Variants in CNBD1 observed in about 807,000 individuals in gnomAD.
The protein encoded by CNBD1 is cyclic nucleotide binding domain containing 1, also known as cyclic nucleotide-binding domain-containing protein 1.
Under a neutral mutation model 54.4 loss-of-function variants are expected in CNBD1, and 71 were observed. The observed-to-expected ratio is 1.30, with a 90% CI of 1.08 to 1.59. CNBD1 has a LOEUF of 1.59. Ranked by LOEUF, CNBD1 falls within the 40% of genes most tolerant of loss-of-function variation. The pLI, the probability that CNBD1 is intolerant of heterozygous loss-of-function variation, is 0.00. For synonymous variants in CNBD1, 182 were observed against 170.7 expected (o/e 1.07, Z -0.51); for missense variants, 659 against 518.0 (o/e 1.27, Z -2.64).
chr8:86,887,601 G>T lies in CNBD1; in HGVS notation c.148G>T (p.Gly50Ter). Residue 50 changes from glycine (G) to a stop codon, truncating the protein, a stop_gained, in exon 2 of 11, where the codon GGA becomes TGA. Transcript: ENST00000518476. LOFTEE classifies it high-confidence loss of function. ...GQLNALCHIRGQHSRSMSNIL... is the reference protein window; with the variant it reads ...GQLNALCHIR ...GTTGAATGCATTATGCCACATTAGA[G>T]GACAACACAGGTAAGCTATTCATGC... The T allele has an allele frequency of 6.3e-7, 1 of 1,578,460 alleles. No individual in the cohort carries two copies. The highest frequency in any genetic ancestry group is 1.8e-5 in the Admixed American group (1 of 55,568).
intron 4 of CNBD1, among the ~76,000 whole-genome samples, chr8:87,167,192 ATAAT>A (rs1480851226): frequency 2.0e-5 from 3 of 152,000 alleles, no homozygotes; most frequent in Non-Finnish European, 4.4e-5. Flanking sequence ...TTATACTTAA[ATAAT>A]TGAGGTTATA....
At chr8:87,189,183 T>G (rs1813546462) in intron 4 of CNBD1, among the ~76,000 whole-genome samples, 1 of 152,300 alleles carries the variant, frequency 6.6e-6, no homozygotes, top group African/African-American at 2.4e-5. Flanking sequence ...CAGGTGACTT[T>G]TGAAGTGTTT....
chr8:86,939,703 C>CAA lies in CNBD1; in HGVS notation c.384_385dup (p.Arg129LysfsTer11), dbSNP rs1421144106. On this transcript the variant is annotated frameshift_variant, in exon 4 of 11. Coordinates refer to ENST00000518476, the MANE Select transcript of CNBD1 (RefSeq NM_173538.3). LOFTEE classifies it high-confidence loss of function. Reference sequence around the variant, plus strand: ...CATGGTGGCCATATTTTATATAGACCAAAAAGAGCCACAGAGAAATTTGAA... The same window carrying CAA: ...CATGGTGGCCATATTTTATATAGACCAAAAAAAGAGCCACAGAGAAATTTGAA... The CAA allele has an allele frequency of 1.9e-6, 3 of 1,589,268 alleles. No individual in the cohort carries two copies. The highest frequency in any genetic ancestry group is 2.6e-6 in the Non-Finnish European group (3 of 1,165,646).
In CNBD1 at chr8:87,273,360, G is replaced by A. The variant is rs138605601; in HGVS notation, c.772-11318G>A. On this transcript the variant is annotated intron_variant, in intron 6 of 10. Coordinates refer to ENST00000518476, the MANE Select transcript of CNBD1 (RefSeq NM_173538.3). ...AACTGGGCACATAGGAAGAAGAAAC[G>A]TTCTGCCTCTTTACGATTAAGTAAG... 7.4e-3 allele frequency among the ~76,000 whole-genome samples: 1,103 copies of A among 148,248 alleles called. 13 individuals are homozygous for A. The highest frequency in any genetic ancestry group is 0.026 in the African/African-American group (1,042 of 39,588).
intron 10 of CNBD1, among the ~76,000 whole-genome samples, chr8:87,360,337 G>T (rs1810501258): frequency 6.6e-6 from 1 of 151,812 alleles, no homozygotes; most frequent in Non-Finnish European, 1.5e-5. Flanking sequence ...CCTTTTGGTG[G>T]TTAACTTTTG....
chr8:87,072,131 A>G (rs757036608), intron 4 of CNBD1, among the ~76,000 whole-genome samples: 1 of 150,708 alleles, frequency 6.6e-6, no homozygotes, highest in Non-Finnish European at 1.5e-5. Context: ...TAGGATTGCA[A>G]CCCCGGCTTT....
rs1220138105 is a variant in CNBD1, at chr8:86,886,443, A to G, written c.89-1099A>G. On this transcript the variant is annotated intron_variant, in intron 1 of 10. Coordinates refer to ENST00000518476, the MANE Select transcript of CNBD1 (RefSeq NM_173538.3). ...CCAAGTTTATTATGATATGATTTAT[A>G]TGATATGATATGGATATATATGATA... Among the ~76,000 whole-genome samples the G allele has an allele frequency of 4.6e-5, 7 of 152,188 alleles. No homozygotes were observed. The East Asian group carries it at 1.3e-3, about 29-fold the overall frequency.
At chr8:86,882,354 G>C (rs1235178469) in intron 1 of CNBD1, among the ~76,000 whole-genome samples, 1 of 152,044 alleles carries the variant, frequency 6.6e-6, no homozygotes, top group Admixed American at 6.6e-5. Context: ...ATTAAAAAGT[G>C]GGCAAAGGAC....
At chr8:87,174,689 A>G (rs922394045) in intron 4 of CNBD1, among the ~76,000 whole-genome samples, 1 of 152,048 alleles carries the variant, frequency 6.6e-6, no homozygotes, top group Admixed American at 6.6e-5. Flanking sequence ...AGTCTTTGCA[A>G]TCTGGGCTTC....
intron 3 of CNBD1, among the ~76,000 whole-genome samples, chr8:86,912,286 T>C (rs1809111654): frequency 6.6e-6 from 1 of 152,170 alleles, no homozygotes; most frequent in Non-Finnish European, 1.5e-5. Flanking sequence ...GAGGGGTACA[T>C]TTTTCTAAAG....
At chr8:86,982,221 T>G (rs2130510741) in intron 4 of CNBD1, among the ~76,000 whole-genome samples, 1 of 152,340 alleles carries the variant, frequency 6.6e-6, no homozygotes, top group South Asian at 2.1e-4. Context: ...CCATTAAAAC[T>G]TCTTTGTATA....
chr8:87,334,633 A>C (rs568605020), intron 8 of CNBD1, among the ~76,000 whole-genome samples: 1 of 151,344 alleles, frequency 6.6e-6, no homozygotes, highest in East Asian at 1.9e-4. Flanking sequence ...TTATTTACCC[A>C]GTAGTCATTC....
chr8:87,272,964 A>AT (rs1198484110), intron 6 of CNBD1, among the ~76,000 whole-genome samples: 1 of 151,894 alleles, frequency 6.6e-6, no homozygotes, highest in Non-Finnish European at 1.5e-5. Flanking sequence ...TTATAGTTAT[A>AT]TTTTTTACAG....
chr8:87,345,875 ATTTCTACC>A (rs1402634392), intron 8 of CNBD1, among the ~76,000 whole-genome samples: 1 of 152,148 alleles, frequency 6.6e-6, no homozygotes, highest in African/African-American at 2.4e-5. Flanking sequence ...GTTAAGGAGT[ATTTCTACC>A]TTGCATAAAG....
Position 86,939,607 on chromosome 8 carries a change from A to G in CNBD1, c.284A>G (p.Glu95Gly), listed in dbSNP as rs764515096. The G allele has an allele frequency of 6.3e-7, 1 of 1,584,730 alleles. No homozygotes were observed. The highest frequency in any genetic ancestry group is 8.6e-7 in the Non-Finnish European group (1 of 1,169,430). The change falls in exon 4 of 11, where the codon GAA becomes GGA. Residue 95 changes from glutamate to glycine, a missense_variant. By Grantham distance (98) the Glu-to-Gly change is moderately conservative. Transcript: ENST00000518476. ...FKQEEQRELN[E>G]GKEESQHQQP... is the part of the protein sequence containing the mutation. ...ATTTTCTTGTTCAGGGAACTCAATG[A>G]AGGCAAAGAGGAAAGTCAACATCAA...
intron 4 of CNBD1, among the ~76,000 whole-genome samples, chr8:87,199,794 G>GTAGGT (rs1420864620): frequency 6.6e-6 from 1 of 152,106 alleles, no homozygotes; most frequent in Non-Finnish European, 1.5e-5. Context: ...TGTTCAGTCA[G>GTAGGT]TAGGTGTACC....
downstream of CNBD1, among the ~76,000 whole-genome samples, chr8:87,383,175 T>C (rs1001871211): frequency 2.0e-5 from 3 of 152,092 alleles, no homozygotes; most frequent in Admixed American, 6.6e-5. Flanking sequence ...TGTAATAAAG[T>C]CATTTCCTTG....
intron 8 of CNBD1, among the ~76,000 whole-genome samples, chr8:87,339,159 T>C (rs1810012617): frequency 1.3e-5 from 2 of 152,172 alleles, no homozygotes; most frequent in Admixed American, 1.3e-4. Context: ...TGAAATGCTC[T>C]GAAGTATTTC....
intron 4 of CNBD1, among the ~76,000 whole-genome samples, chr8:87,013,570 A>T (rs1054642833): frequency 6.6e-6 from 1 of 151,820 alleles, no homozygotes; most frequent in African/African-American, 2.4e-5. Context: ...AGATTAAAAA[A>T]AATAATAATA....
Sources: gnomAD v4.1 joint callset for allele counts (sites outside exome capture counted in the v4.1 genomes callset) on GRCh38, gnomAD v4.1.1 for gene constraint, MANE v1.5 for transcripts, NCBI Gene and HGNC (gene_info 2026-07-23, HGNC 2026-07-21) for gene names.